The following AGBL3 variants were observed in gnomAD, a reference collection of about 807,000 sequenced individuals.
The protein encoded by AGBL3 is AGBL carboxypeptidase 3.
A neutral mutation model predicts 94.5 loss-of-function variants in AGBL3; 68 were observed. That is an observed-to-expected ratio of 0.72 (90% confidence interval 0.59 to 0.88). The LOEUF is 0.88. Among genes scored for constraint, AGBL3 ranks in the 40% least tolerant of loss-of-function variants. AGBL3 has a pLI of 0.00. For missense variants in AGBL3, 934 were observed against 1,103.8 expected (o/e 0.85, Z 2.18); for synonymous variants, 354 against 370.7 (o/e 0.95, Z 0.52).
At chr7:134,995,708 A>G (rs974253413) in intron 4 of AGBL3, among the ~76,000 whole-genome samples, 1 of 152,200 alleles carries the variant, frequency 6.6e-6, no homozygotes, top group Non-Finnish European at 1.5e-5. Flanking sequence ...AACCTCTCTC[A>G]GCATACGTTT....
intron 12 of AGBL3, among the ~76,000 whole-genome samples, chr7:135,063,762 G>A (rs970046276): frequency 3.3e-5 from 5 of 152,260 alleles, no homozygotes; most frequent in African/African-American, 4.8e-5. Context: ...TTTAGGTTTT[G>A]TTAGGACAGC....
intron 15 of AGBL3, among the ~76,000 whole-genome samples, chr7:135,082,766 C>T (rs1047129874): frequency 9.2e-5 from 14 of 151,982 alleles, no homozygotes; most frequent in Non-Finnish European, 1.9e-4. Context: ...TTCTTAGGTT[C>T]GGCCTTTCAT....
At position 135,135,502 on chromosome 7, in the gene AGBL3, T is replaced by G. The variant is rs1326632311; in HGVS notation, c.*241T>G. 3.2e-6 allele frequency: 1 copy of G among 311,624 alleles called. No individual in the cohort carries two copies. The highest frequency in any genetic ancestry group is 2.1e-5 in the African/African-American group (1 of 46,588). The allele number at this position is 311,624 out of a possible 1,614,324, so 19.3% of individuals were successfully genotyped here. A position where few individuals can be genotyped will look rare whatever the true frequency, so the allele number is the denominator to read the frequency against. ...AAAGCAGATATTTATATTTAGTTTTTATCAGCATGGAAAAAAATCTCTGAA... is the reference window on the plus strand; with the variant it reads ...AAAGCAGATATTTATATTTAGTTTTGATCAGCATGGAAAAAAATCTCTGAA... On this transcript the variant is annotated 3_prime_UTR_variant, in exon 17 of 17. Coordinates refer to ENST00000436302, the MANE Select transcript of AGBL3 (RefSeq NM_178563.4).
intron 13 of AGBL3, among the ~76,000 whole-genome samples, chr7:135,077,346 G>A (rs113971610): frequency 4.6e-5 from 7 of 152,178 alleles, no homozygotes; most frequent in African/African-American, 9.6e-5. Flanking sequence ...TTCCACACTG[G>A]GAGAGGCAAA....
At chr7:134,986,893 C>T (rs763222235) in intron 1 of AGBL3, among the ~76,000 whole-genome samples, 192 bp downstream of exon 1, 36 of 152,374 alleles carry the variant, frequency 2.4e-4, no homozygotes, top group Non-Finnish European at 4.0e-4. Flanking sequence ...GACGCGCCCG[C>T]ATCTGCCCCT....
rs777142583 is a variant in AGBL3 at position 135,064,853 on chromosome 7, T to G, written c.1908+5618T>G. On this transcript the variant is annotated intron_variant, in intron 12 of 16. Coordinates refer to ENST00000436302, the MANE Select transcript of AGBL3 (RefSeq NM_178563.4). ...AAAATGGCTTAGTCAAAAGGGAAAT[T>G]TGTTGGATTACTAAATAAAAAGTCT... Among the ~76,000 whole-genome samples the G allele has an allele frequency of 9.2e-5, 14 of 152,296 alleles. No homozygotes were observed. In the South Asian group the frequency reaches 1.5e-3, roughly 16 times the overall value.
At chr7:135,014,220 A>T (rs886602319) in intron 4 of AGBL3, among the ~76,000 whole-genome samples, 2 of 103,502 alleles carry the variant, frequency 1.9e-5, no homozygotes, top group African/African-American at 6.4e-5. Context: ...AAAAAAAAAA[A>T]AAAAAAACCC....
At chr7:135,044,705 TTTTTA>T (rs1000384025) in intron 9 of AGBL3, among the ~76,000 whole-genome samples, 1 of 152,102 alleles carries the variant, frequency 6.6e-6, no homozygotes, top group African/African-American at 2.4e-5. Context: ...CAGCTTGTTT[TTTTTA>T]TTGTATTTTA....
At chr7:135,125,352 G>C (rs925490631) in intron 16 of AGBL3, among the ~76,000 whole-genome samples, 1 of 151,528 alleles carries the variant, frequency 6.6e-6, no homozygotes, top group African/African-American at 2.4e-5. Context: ...CAAGAAGTCG[G>C]ATCCCTGAAT....
In AGBL3 at chr7:135,034,666, C is replaced by G; in HGVS notation, c.1075C>G (p.Leu359Val). ...SDSRKRKAVILTARVHPGETN... is the reference protein window; with the variant it reads ...SDSRKRKAVIVTARVHPGETN... ...CTCAAGAAAGCGGAAGGCTGTGATT[C>G]TGACTGCAAGGGTCCATCCAGGGGA... The change falls in exon 7 of 17, where the codon CTG becomes GTG. Residue 359 changes from leucine to valine, a missense_variant. Transcript: ENST00000436302. 6.4e-7 allele frequency: 1 copy of G among 1,551,590 alleles called. No individual in the cohort carries two copies. Among genetic ancestry groups the G allele is most frequent in the Non-Finnish European group, 8.7e-7 (1 of 1,146,940 alleles).
rs11981257 is a variant in AGBL3 at position 135,015,052 on chromosome 7, T to C, written c.311-2000T>C. Reference sequence around the variant, plus strand: ...GATTGTGATAATGGAAAGATGAATATAGAATTTTCCAGGCTACTTGACATA... The same window carrying C: ...GATTGTGATAATGGAAAGATGAATACAGAATTTTCCAGGCTACTTGACATA... On this transcript the variant is annotated intron_variant, in intron 4 of 16. Transcript: ENST00000436302. 3.9e-3 allele frequency among the ~76,000 whole-genome samples: 600 copies of C among 152,346 alleles called. 3 individuals are homozygous for C. Among genetic ancestry groups the C allele is most frequent in the African/African-American group, 0.013 (546 of 41,584 alleles).
chr7:135,000,184 C>T lies in AGBL3; in HGVS notation c.310+6506C>T, dbSNP rs145625628. Among the ~76,000 whole-genome samples, 194 of 152,322 alleles carry T rather than the reference C, an allele frequency of 1.3e-3. 1 individual carries two copies. Among genetic ancestry groups the T allele is most frequent in the African/African-American group, 4.5e-3 (186 of 41,578 alleles). On this transcript the variant is annotated intron_variant, in intron 4 of 16. Coordinates refer to ENST00000436302, the MANE Select transcript of AGBL3 (RefSeq NM_178563.4). The stretch of plus-strand genomic sequence containing the variant: ...ATCACTTAAGGCATTGTGGGCATTT[C>T]AGCTTTCACGGTTATATGTCCTTCA...
chr7:135,067,164 T>C (rs1239671040), intron 12 of AGBL3, among the ~76,000 whole-genome samples: 1 of 152,174 alleles, frequency 6.6e-6, no homozygotes, highest in Non-Finnish European at 1.5e-5. Flanking sequence ...GAGATCAAAC[T>C]GCAAGGCGAC....
At chr7:134,999,831 T>TA (rs1163801959) in intron 4 of AGBL3, among the ~76,000 whole-genome samples, 9 of 152,246 alleles carry the variant, frequency 5.9e-5, no homozygotes, top group Non-Finnish European at 1.5e-5. Flanking sequence ...AGATTGTTCT[T>TA]ACCTTCCTCA....
At chr7:135,109,898 C>T (rs1358544831) in intron 15 of AGBL3, among the ~76,000 whole-genome samples, 1 of 152,162 alleles carries the variant, frequency 6.6e-6, no homozygotes, top group Non-Finnish European at 1.5e-5. Flanking sequence ...AAGCTCTATA[C>T]CAGGGAGGCT....
chr7:135,123,692 C>G (rs1467495256), intron 16 of AGBL3, among the ~76,000 whole-genome samples: 1 of 152,048 alleles, frequency 6.6e-6, no homozygotes, highest in Non-Finnish European at 1.5e-5. Flanking sequence ...AACAGCGGCC[C>G]TCTCAGCAGA....
At chr7:135,048,438 A>ATTTTTGTAAAGGGTGCCATTGG (rs1817574234) in intron 11 of AGBL3, among the ~76,000 whole-genome samples, 1 of 130,414 alleles carries the variant, frequency 7.7e-6, no homozygotes, top group Non-Finnish European at 1.7e-5. Flanking sequence ...TAGATCACTT[A>ATTTTTGTAAAGGGTGCCATTGG]GAGTAGTATA....
intron 15 of AGBL3, among the ~76,000 whole-genome samples, chr7:135,083,920 A>G (rs1821119422): frequency 6.6e-6 from 1 of 152,186 alleles, no homozygotes; most frequent in African/African-American, 2.4e-5. Flanking sequence ...GGGATTTCAG[A>G]TAATTCTGGC....
At position 135,014,692 on chromosome 7, in the gene AGBL3, C is replaced by T. The variant is rs189699449; in HGVS notation, c.311-2360C>T. Among the ~76,000 whole-genome samples, 11 of 152,222 alleles carry T rather than the reference C, an allele frequency of 7.2e-5. No homozygotes were observed. The East Asian group carries it at 2.1e-3, about 29-fold the overall frequency. On this transcript the variant is annotated intron_variant, in intron 4 of 16. Coordinates refer to ENST00000436302, the MANE Select transcript of AGBL3 (RefSeq NM_178563.4). ...TGAAGGGCTGAAGGCATGGTGTTGT[C>T]TCAGCCTGTCCTAAGGCCTATGGAG...
Sources: allele counts gnomAD v4.1 joint callset (sites outside exome capture counted in the v4.1 genomes callset), GRCh38; gene constraint gnomAD v4.1.1; transcripts MANE v1.5; gene names NCBI Gene and HGNC (gene_info 2026-07-23, HGNC 2026-07-21).